The following ZNF385D variants were observed in gnomAD, a reference collection of about 807,000 sequenced individuals.
ZNF385D encodes the protein zinc finger protein 385D.
ZNF385D carries 15 observed loss-of-function variants against 35.8 expected under a neutral mutation model. The observed-to-expected ratio is 0.42, with a 90% confidence interval of 0.28 to 0.64. ZNF385D has a LOEUF of 0.64. Ranked by LOEUF, ZNF385D falls within the 30% of genes least tolerant of loss-of-function variation. The pLI, the probability that ZNF385D is intolerant of heterozygous loss-of-function variation, is 0.23. For missense variants in ZNF385D, 474 were observed against 494.6 expected, an observed-to-expected ratio of 0.96 and a Z score of 0.39; for synonymous variants, 212 against 186.8, an observed-to-expected ratio of 1.13 and a Z score of -1.10.
intron 3 of ZNF385D, among the ~76,000 whole-genome samples, chr3:22,075,862 T>C (rs1700438360): frequency 6.6e-6 from 1 of 151,956 alleles, no homozygotes. Context: ...CTATAACTCT[T>C]CTTGTCTTCC....
At chr3:21,686,697 G>A (rs530111815) in intron 1 of ZNF385D, among the ~76,000 whole-genome samples, 17 of 152,246 alleles carry the variant, frequency 1.1e-4, no homozygotes, top group Non-Finnish European at 1.9e-4. Flanking sequence ...GTGTGCAGTC[G>A]CCACATGTGG....
intron 4 of ZNF385D, among the ~76,000 whole-genome samples, chr3:21,489,852 A>C (rs1411301021): frequency 3.3e-5 from 5 of 152,060 alleles, no homozygotes; most frequent in Admixed American, 3.3e-4. Context: ...GCCTAATATG[A>C]AGGGCATACC....
chr3:22,160,238 C>CCGATATAGA (rs1705859970), intron 3 of ZNF385D, among the ~76,000 whole-genome samples: 2 of 152,012 alleles, frequency 1.3e-5, no homozygotes. Context: ...AATACATATA[C>CCGATATAGA]TGATATAGAT....
intron 2 of ZNF385D, among the ~76,000 whole-genome samples, chr3:22,335,243 C>T (rs1344940429): frequency 1.3e-5 from 2 of 152,148 alleles, no homozygotes; most frequent in African/African-American, 4.8e-5. Context: ...TTAAACATCA[C>T]ATTAGGTCAC....
chr3:21,774,841 TATA>T (rs1448838229), intron 3 of ZNF385D, among the ~76,000 whole-genome samples: 1 of 151,836 alleles, frequency 6.6e-6, no homozygotes, highest in Non-Finnish European at 1.5e-5. Flanking sequence ...ATATGATGTT[TATA>T]ATATTTTTGA....
chr3:22,114,958 G>T (rs1025355660), intron 3 of ZNF385D, among the ~76,000 whole-genome samples: 1 of 152,018 alleles, frequency 6.6e-6, no homozygotes, highest in Non-Finnish European at 1.5e-5. Flanking sequence ...GACACTAAAT[G>T]CTAGCTTCTT....
exon 3 of ZNF385D, chr3:22,168,948 G>A (rs1034227216): frequency 1.0e-6 from 1 of 985,692 alleles, no homozygotes; most frequent in Admixed American, 6.2e-5. Context: ...AGTAAAGTTG[G>A]TATGTTTCTT....
intron 2 of ZNF385D, among the ~76,000 whole-genome samples, chr3:21,581,664 A>AGAATT (rs964748071): frequency 1.2e-4 from 18 of 152,214 alleles, no homozygotes; most frequent in Non-Finnish European, 2.2e-4. Flanking sequence ...ACTTTGTAGA[A>AGAATT]GAATTGCATT....
At chr3:22,139,474 A>T (rs1227281581) in intron 3 of ZNF385D, among the ~76,000 whole-genome samples, 2 of 152,102 alleles carry the variant, frequency 1.3e-5, no homozygotes, top group African/African-American at 4.8e-5. Context: ...AGGGACATGG[A>T]TGAAGCTGGA....
intron 3 of ZNF385D, among the ~76,000 whole-genome samples, chr3:21,871,397 T>C (rs1404909144): frequency 6.6e-6 from 1 of 152,160 alleles, no homozygotes; most frequent in Non-Finnish European, 1.5e-5. Flanking sequence ...GAAATATTAA[T>C]ACTATTGAAA....
At chr3:21,582,191 T>A (rs902510501) in intron 2 of ZNF385D, among the ~76,000 whole-genome samples, 7 of 152,204 alleles carry the variant, frequency 4.6e-5, no homozygotes, top group African/African-American at 1.2e-4. Context: ...TCATACTGAC[T>A]CTGAAATTGT....
intron 3 of ZNF385D, among the ~76,000 whole-genome samples, chr3:22,064,908 T>TA (rs1419396436): frequency 5.3e-5 from 8 of 152,110 alleles, no homozygotes; most frequent in East Asian, 1.9e-4. Context: ...ATTGTATATT[T>TA]AAAAAAATGT....
chr3:21,940,918 G>A (rs2125273109), intron 3 of ZNF385D, among the ~76,000 whole-genome samples: 1 of 152,254 alleles, frequency 6.6e-6, no homozygotes, highest in African/African-American at 2.4e-5. Flanking sequence ...ATACACCACA[G>A]AGGATCCATC....
chr3:21,657,431 C>T (rs1351982525), intron 2 of ZNF385D, among the ~76,000 whole-genome samples: 1 of 151,920 alleles, frequency 6.6e-6, no homozygotes, highest in Non-Finnish European at 1.5e-5. Context: ...ACTTTCCATT[C>T]TGCAGAAAGC....
chr3:21,873,302 G>T lies in ZNF385D; in HGVS notation c.326-208274C>A, dbSNP rs141947971. Among the ~76,000 whole-genome samples the T allele has an allele frequency of 5.8e-3, 885 of 151,988 alleles. 9 individuals carry two copies. Among genetic ancestry groups the T allele is most frequent in the African/African-American group, 0.02 (847 of 41,460 alleles). On this transcript the variant is annotated intron_variant, in intron 3 of 5. Transcript: ENST00000494108. ...TCAACATCACAGTGACCACATGGGC[G>T]GTATATTTTTAAAGTTAGTTTACAG...
At chr3:22,291,187 T>A (rs1426298590) in intron 2 of ZNF385D, among the ~76,000 whole-genome samples, 1 of 152,168 alleles carries the variant, frequency 6.6e-6, no homozygotes, top group Non-Finnish European at 1.5e-5. Flanking sequence ...GTTGTTACTT[T>A]CTGATTTCTC....
At chr3:21,959,709 G>A (rs1702477889) in intron 3 of ZNF385D, among the ~76,000 whole-genome samples, 1 of 152,178 alleles carries the variant, frequency 6.6e-6, no homozygotes, top group Non-Finnish European at 1.5e-5. Flanking sequence ...CTGTGAGGCT[G>A]TCTGAAATAC....
At chr3:21,613,582 A>C (rs1343322491) in intron 2 of ZNF385D, among the ~76,000 whole-genome samples, 1 of 152,188 alleles carries the variant, frequency 6.6e-6, no homozygotes, top group Non-Finnish European at 1.5e-5. Context: ...TTTGGTCAAG[A>C]TGACCCTTAG....
chr3:21,802,570 C>T, intron 3 of ZNF385D, among the ~76,000 whole-genome samples: 1 of 152,078 alleles, frequency 6.6e-6, no homozygotes, highest in East Asian at 1.9e-4. Context: ...AAAATAGCAT[C>T]TGCAATGTAA....
Sources: allele counts gnomAD v4.1 joint callset (sites outside exome capture counted in the v4.1 genomes callset), GRCh38; gene constraint gnomAD v4.1.1; transcripts MANE v1.5; gene names NCBI Gene and HGNC (gene_info 2026-07-23, HGNC 2026-07-21).